Variants in AK7 observed in about 807,000 individuals in gnomAD.
The protein encoded by AK7 is ATP-AMP transphosphorylase 7.
In AK7, 78 loss-of-function variants were observed where a neutral mutation model predicts 96.6. That is an observed-to-expected ratio of 0.81 (90% CI 0.67 to 0.97). The LOEUF is 0.97. Ranked by LOEUF, AK7 falls within the 50% of genes least tolerant of loss-of-function variation. The probability of loss-of-function intolerance (pLI) is 0.00; values close to 1 mark genes in which losing one functional copy is unlikely to be tolerated. For synonymous variants in AK7, 302 were observed against 317.2 expected (o/e 0.95, Z 0.51); for missense variants, 855 against 887.9 (o/e 0.96, Z 0.47).
intron 12 of AK7, among the ~76,000 whole-genome samples, chr14:96,461,782 C>T (rs1894262872): frequency 6.6e-6 from 1 of 152,080 alleles, no homozygotes; most frequent in Admixed American, 6.6e-5. Flanking sequence ...GACGGGGTTT[C>T]GCCATGTTGG....
chr14:96,458,342 TC>T, intron 12 of AK7, 130 bp downstream of exon 12: 6 of 1,237,030 alleles, frequency 4.9e-6, no homozygotes, highest in Non-Finnish European at 6.5e-6. Context: ...ATGCCTGTAA[TC>T]CCAGCACTTT....
chr14:96,473,907 G>C (rs553812481), intron 14 of AK7, among the ~76,000 whole-genome samples: 2 of 152,204 alleles, frequency 1.3e-5, no homozygotes, highest in South Asian at 4.1e-4. Flanking sequence ...ACTCCACAGT[G>C]GTTTTATTCT....
chr14:96,440,167 G>A (rs1264896091), intron 6 of AK7, among the ~76,000 whole-genome samples: 2 of 152,046 alleles, frequency 1.3e-5, no homozygotes, highest in East Asian at 1.9e-4. Context: ...GTAGAGACAG[G>A]GTTTCACCAT....
chr14:96,449,793 C>T lies in AK7; in HGVS notation c.871-9C>T, dbSNP rs1595429830. 1 of 1,602,048 alleles carries T rather than the reference C, an allele frequency of 6.2e-7. No homozygotes were observed. The highest frequency in any genetic ancestry group is 8.5e-7 in the Non-Finnish European group (1 of 1,171,494). ...TAAACCAACTAATATTTCGATTTTC[C>T]TCTAACAGTGTATCAGTAAAAATAC... is the stretch of plus-strand genomic sequence containing the variant. On this transcript the variant is annotated splice_polypyrimidine_tract_variant and intron_variant, in intron 8 of 17. Transcript: ENST00000267584.
intron 12 of AK7, among the ~76,000 whole-genome samples, chr14:96,467,721 C>A (rs1460211297): frequency 6.6e-6 from 1 of 152,104 alleles, no homozygotes; most frequent in African/African-American, 2.4e-5. Flanking sequence ...ATCAAACTGC[C>A]TGGATGAGAA....
At chr14:96,445,055 C>T (rs1566788744) in intron 7 of AK7, among the ~76,000 whole-genome samples, 1 of 152,182 alleles carries the variant, frequency 6.6e-6, no homozygotes, top group Non-Finnish European at 1.5e-5. Context: ...TTGTCCCTGC[C>T]TTACAAGGAA....
intron 12 of AK7, among the ~76,000 whole-genome samples, chr14:96,470,287 C>T (rs1321930667): frequency 6.6e-6 from 1 of 151,484 alleles, no homozygotes; most frequent in Non-Finnish European, 1.5e-5. Context: ...GAGGGGGAGT[C>T]ACTGATAAGG....
intron 5 of AK7, among the ~76,000 whole-genome samples, chr14:96,429,219 A>C (rs1488054930): frequency 1.3e-5 from 2 of 152,172 alleles, no homozygotes; most frequent in Non-Finnish European, 2.9e-5. Context: ...TAAATAGGGA[A>C]TCCTTTCCCC....
chr14:96,435,710 C>T (rs946983559), intron 5 of AK7, among the ~76,000 whole-genome samples: 6 of 152,142 alleles, frequency 3.9e-5, no homozygotes, highest in East Asian at 1.9e-4. Flanking sequence ...ACTTAAATTA[C>T]GACCGCTGAT....
chr14:96,405,219 T>C (rs767240779), intron 3 of AK7, among the ~76,000 whole-genome samples: 8 of 152,080 alleles, frequency 5.3e-5, no homozygotes, highest in Non-Finnish European at 1.0e-4. Context: ...GTTTTTAAAA[T>C]GAAACATTAC....
At position 96,488,739 on chromosome 14, in the gene AK7, A is replaced by T. The variant is rs962832200; in HGVS notation, c.*396A>T. On this transcript the variant is annotated 3_prime_UTR_variant, in exon 18 of 18. Coordinates refer to ENST00000267584, the MANE Select transcript of AK7 (RefSeq NM_152327.5). ...ATGACTTGTTATCGCCCCAATAACA[A>T]TGTTATTAGAAATGGAAATAAATTG... The T allele has an allele frequency of 4.5e-5, 7 of 154,414 alleles. No homozygotes were observed. In the Admixed American group the frequency reaches 4.6e-4, roughly 10 times the overall value. 9.6% of individuals were successfully genotyped at this position (154,414 alleles called of 1,614,324 possible).
intron 12 of AK7, among the ~76,000 whole-genome samples, chr14:96,466,290 G>A (rs142181209): frequency 0.018 from 2,706 of 151,990 alleles, 86 homozygotes; most frequent in African/African-American, 0.061. Flanking sequence ...AGGCTGGAGT[G>A]CAGTGGCATG....
chr14:96,413,675 C>T (rs1891169964), intron 4 of AK7, among the ~76,000 whole-genome samples: 1 of 152,194 alleles, frequency 6.6e-6, no homozygotes, highest in Admixed American at 6.5e-5. Context: ...TTGAAATTAC[C>T]CAACATTGAA....
chr14:96,415,269 AC>A, intron 4 of AK7, among the ~76,000 whole-genome samples: 1 of 152,196 alleles, frequency 6.6e-6, no homozygotes, highest in Non-Finnish European at 1.5e-5. Context: ...AGCCTGAGCA[AC>A]ACAGCAAGAC....
chr14:96,486,971 ATT>A lies in AK7; in HGVS notation c.2050_2051del (p.Leu684AsnfsTer14). On this transcript the variant is annotated frameshift_variant, in exon 17 of 18. Transcript: ENST00000267584. LOFTEE classifies it high-confidence loss of function. ...GCTCAGTCAATTCCCCTGAGAAACTATTTAATGACCTATGTGATGCCAACTCT... is the reference window on the plus strand; with the variant it reads ...GCTCAGTCAATTCCCCTGAGAAACTATAATGACCTATGTGATGCCAACTCT... 1 of 1,614,124 alleles carries A rather than the reference ATT, an allele frequency of 6.2e-7. No individual in the cohort carries two copies. Among genetic ancestry groups the A allele is most frequent in the Non-Finnish European group, 8.5e-7 (1 of 1,179,944 alleles).
intron 12 of AK7, among the ~76,000 whole-genome samples, chr14:96,465,462 T>TA (rs34029201): frequency 0.078 from 11,174 of 143,388 alleles, 1,424 homozygotes; most frequent in African/African-American, 0.27. Context: ...AGACTCCGTT[T>TA]AAAAAAAAAA....
At chr14:96,429,879 T>C (rs1449029410) in intron 5 of AK7, among the ~76,000 whole-genome samples, 2 of 152,210 alleles carry the variant, frequency 1.3e-5, no homozygotes, top group African/African-American at 4.8e-5. Context: ...CAATGGGGTT[T>C]TCTAAATATA....
At chr14:96,432,402 G>T (rs1322471994) in intron 5 of AK7, among the ~76,000 whole-genome samples, 1 of 151,972 alleles carries the variant, frequency 6.6e-6, no homozygotes, top group Non-Finnish European at 1.5e-5. Context: ...GGTTAATATT[G>T]TTATGTGTGA....
intron 12 of AK7, among the ~76,000 whole-genome samples, chr14:96,458,912 C>CAAAAAAAAAAA (rs780061684): frequency 4.3e-5 from 1 of 23,518 alleles, no homozygotes; most frequent in African/African-American, 1.0e-4. Context: ...CCTGTCTCAA[C>CAAAAAAAAAAA]AAAAAAAAAA....
Sources: gnomAD v4.1 joint callset for allele counts (sites outside exome capture counted in the v4.1 genomes callset) on GRCh38, gnomAD v4.1.1 for gene constraint, MANE v1.5 for transcripts, NCBI Gene and HGNC (gene_info 2026-07-23, HGNC 2026-07-21) for gene names.